Variants in SPAG17 observed in about 807,000 individuals in gnomAD.
SPAG17 encodes the protein sperm-associated antigen 17.
SPAG17 carries 169 observed loss-of-function variants against 273.6 expected under a neutral mutation model. That is an observed-to-expected ratio of 0.62 (90% CI 0.55 to 0.70). The LOEUF is 0.70. Among genes scored for constraint, SPAG17 ranks in the 30% least tolerant of loss-of-function variants. SPAG17 has a pLI of 0.00. For synonymous variants in SPAG17, 825 were observed against 873.2 expected, an observed-to-expected ratio of 0.94 and a Z score of 0.97; for missense variants, 2,557 against 2,627.8, an observed-to-expected ratio of 0.97 and a Z score of 0.59.
chr1:118,017,178 G>C (rs541723370), intron 28 of SPAG17, among the ~76,000 whole-genome samples: 8 of 152,276 alleles, frequency 5.3e-5, no homozygotes, highest in Admixed American at 3.9e-4. Flanking sequence ...TAGAATATTA[G>C]TAGAGAGTGA....
At chr1:118,155,367 C>T (rs1010086530) in intron 1 of SPAG17, among the ~76,000 whole-genome samples, 1 of 152,196 alleles carries the variant, frequency 6.6e-6, no homozygotes, top group Non-Finnish European at 1.5e-5. Context: ...CCAAATTTTA[C>T]TTAGGCATTT....
chr1:118,032,964 T>C (rs1648651362), intron 24 of SPAG17, among the ~76,000 whole-genome samples: 2 of 152,148 alleles, frequency 1.3e-5, no homozygotes, highest in Admixed American at 1.3e-4. Context: ...TAATTACTCA[T>C]GAAATTAGAA....
chr1:118,101,389 C>T (rs1473158837), intron 5 of SPAG17, among the ~76,000 whole-genome samples: 3 of 152,200 alleles, frequency 2.0e-5, no homozygotes, highest in African/African-American at 7.2e-5. Context: ...CCACTGCACT[C>T]TAGCCTGGGT....
rs114568488 is a variant in SPAG17 at position 117,991,012 on chromosome 1, G to A, written c.5476-106C>T. On this transcript the variant is annotated intron_variant, in intron 37 of 48. Coordinates refer to ENST00000336338, the MANE Select transcript of SPAG17 (RefSeq NM_206996.4). ...TCTTTTGTAAAAACTACTATAAAAT[G>A]AATTAGTTTAAAAATACTGATATAA... 1,094 of 586,000 alleles carry A rather than the reference G, an allele frequency of 1.9e-3. 10 individuals carry two copies. In the African/African-American group the frequency reaches 0.019, roughly 10 times the overall value. 36.3% of individuals were successfully genotyped at this position (586,000 alleles called of 1,614,324 possible). A position where few individuals can be genotyped will look rare whatever the true frequency, so the allele number is the denominator to read the frequency against.
In SPAG17 at chr1:117,981,268, A is replaced by G; in HGVS notation, c.6004+2T>C. 6.4e-7 allele frequency: 1 copy of G among 1,560,468 alleles called. No individual in the cohort carries two copies. The highest frequency in any genetic ancestry group is 8.6e-7 in the Non-Finnish European group (1 of 1,163,792). On this transcript the variant is annotated splice_donor_variant, in intron 43 of 48. Transcript: ENST00000336338. LOFTEE classifies it high-confidence loss of function. ...GCAATAAGATAAAAAAGACTGCCAT[A>G]CCTTCAGGAGATTTTGTTAAATTTT...
intron 30 of SPAG17, among the ~76,000 whole-genome samples, chr1:118,009,248 A>AAT (rs1163449345): frequency 1.4e-5 from 2 of 142,608 alleles, no homozygotes; most frequent in Admixed American, 7.1e-5. Context: ...AGGTGCTCAT[A>AAT]ACACACACAC....
At chr1:118,013,277 C>T (rs999963227) in intron 29 of SPAG17, among the ~76,000 whole-genome samples, 1 of 152,184 alleles carries the variant, frequency 6.6e-6, no homozygotes, top group Non-Finnish European at 1.5e-5. Flanking sequence ...AGTTTGCTAG[C>T]TGTTTTCTGA....
intron 47 of SPAG17, 134 bp downstream of exon 47, chr1:117,966,473 CTT>C (rs1468075431): frequency 2.2e-6 from 2 of 900,614 alleles, no homozygotes; most frequent in Non-Finnish European, 3.2e-6. Context: ...TGAAGATGCT[CTT>C]TGTCTTAATA....
In SPAG17 at chr1:118,081,166, G is replaced by C. The variant is rs1468308929; in HGVS notation, c.2144C>G (p.Pro715Arg). ...CTGCTCTAACAGCTGTCTATTATCA[G>C]GGACTGAGAGTTTGAGATTATTCAA... ...SDLNNLKLSV[P>R]DNRQLLEQES... The change falls in exon 15 of 49, where the codon CCT becomes CGT. Residue 715 changes from proline (P) to arginine (R), a missense_variant. By Grantham distance (103) the Pro-to-Arg change is moderately radical. Coordinates refer to ENST00000336338, the MANE Select transcript of SPAG17 (RefSeq NM_206996.4). 1 of 1,613,940 alleles carries C rather than the reference G, an allele frequency of 6.2e-7. No individual in the cohort carries two copies. Among genetic ancestry groups the C allele is most frequent in the Non-Finnish European group, 8.5e-7 (1 of 1,179,968 alleles).
intron 27 of SPAG17, 93 bp downstream of exon 27, chr1:118,025,145 G>T: frequency 9.2e-7 from 1 of 1,081,388 alleles, no homozygotes; most frequent in Non-Finnish European, 1.3e-6. Flanking sequence ...CTAGTGAGTT[G>T]TTCCTTTTCC....
intron 1 of SPAG17, among the ~76,000 whole-genome samples, chr1:118,182,813 A>G (rs1305946079): frequency 6.6e-6 from 1 of 152,224 alleles, no homozygotes; most frequent in Non-Finnish European, 1.5e-5. Context: ...TATTTTACAA[A>G]TCATTTCCTG....
At chr1:118,144,518 A>T (rs1658863385) in intron 3 of SPAG17, among the ~76,000 whole-genome samples, 1 of 152,226 alleles carries the variant, frequency 6.6e-6, no homozygotes, top group Admixed American at 6.5e-5. Flanking sequence ...TCTTTGTTAC[A>T]GCTTGATATT....
chr1:118,141,618 G>A (rs1658686371), intron 3 of SPAG17, among the ~76,000 whole-genome samples: 1 of 152,140 alleles, frequency 6.6e-6, no homozygotes, highest in Non-Finnish European at 1.5e-5. Context: ...AAGAACTGAC[G>A]CTGATTCCAT....
rs1660641541 is a variant in SPAG17, at chr1:118,175,325, C to G, written c.87+9746G>C. Reference sequence around the variant, plus strand: ...GATCACAGGCGTGAGCCACTGCGCCCAGCTGGAAATGAAGACATTCCCAGA... The same window carrying G: ...GATCACAGGCGTGAGCCACTGCGCCGAGCTGGAAATGAAGACATTCCCAGA... On this transcript the variant is annotated intron_variant, in intron 1 of 48. Transcript: ENST00000336338. Among the ~76,000 whole-genome samples the G allele has an allele frequency of 2.6e-5, 4 of 152,042 alleles. No individual in the cohort carries two copies. The South Asian group carries it at 8.3e-4, about 31-fold the overall frequency.
chr1:118,042,519 TA>T, intron 20 of SPAG17, among the ~76,000 whole-genome samples: 1 of 152,274 alleles, frequency 6.6e-6, no homozygotes, highest in South Asian at 2.1e-4. Flanking sequence ...AAGTCTCCCC[TA>T]AGCACTCCTA....
chr1:117,956,865 C>T (rs1652275522), intron 48 of SPAG17, among the ~76,000 whole-genome samples: 1 of 151,968 alleles, frequency 6.6e-6, no homozygotes, highest in Non-Finnish European at 1.5e-5. Flanking sequence ...TGCCATTGAC[C>T]AAAATGCATT....
At chr1:118,141,099 A>G (rs1311092552) in intron 3 of SPAG17, among the ~76,000 whole-genome samples, 1 of 152,060 alleles carries the variant, frequency 6.6e-6, no homozygotes, top group African/African-American at 2.4e-5. Context: ...AATGAAACTA[A>G]CTCAAAATTG....
intron 3 of SPAG17, among the ~76,000 whole-genome samples, chr1:118,136,583 A>G (rs377422429): frequency 3.3e-4 from 50 of 152,226 alleles, no homozygotes; most frequent in African/African-American, 1.2e-3. Flanking sequence ...CACCTCTTAA[A>G]TCACATCACA....
intron 20 of SPAG17, among the ~76,000 whole-genome samples, chr1:118,043,121 TA>T (rs1391964586): frequency 1.3e-5 from 2 of 152,014 alleles, no homozygotes; most frequent in Admixed American, 1.3e-4. Flanking sequence ...CTCAAATAAA[TA>T]AAAAGAAGTA....
Sources: gnomAD v4.1 joint callset for allele counts (sites outside exome capture counted in the v4.1 genomes callset) on GRCh38, gnomAD v4.1.1 for gene constraint, MANE v1.5 for transcripts, NCBI Gene and HGNC (gene_info 2026-07-23, HGNC 2026-07-21) for gene names.